USP34: variants seen among roughly 807,000 people sequenced by gnomAD.
USP34 encodes the protein ubiquitin specific peptidase 34.
Under a neutral mutation model 460.3 loss-of-function variants are expected in USP34, and 70 were observed. The observed-to-expected ratio is 0.15, with a 90% confidence interval of 0.13 to 0.19. The LOEUF is 0.19. Among genes scored for constraint, USP34 ranks in the 10% least tolerant of loss-of-function variants. The pLI is 1.00. For synonymous variants in USP34, 1,647 were observed against 1,405.3 expected, an observed-to-expected ratio of 1.17 and a Z score of -3.85; for missense variants, 3,985 against 4,236.2, an observed-to-expected ratio of 0.94 and a Z score of 1.65.
chr2:61,401,222 G>A (rs1034529446), intron 3 of USP34, among the ~76,000 whole-genome samples: 9 of 150,282 alleles, frequency 6.0e-5, no homozygotes, highest in Non-Finnish European at 1.0e-4. Context: ...TATACCATAC[G>A]TATATTTAAC....
intron 1 of USP34, among the ~76,000 whole-genome samples, chr2:61,431,748 G>A (rs569636609): frequency 6.6e-6 from 1 of 152,072 alleles, no homozygotes; most frequent in African/African-American, 2.4e-5. Flanking sequence ...CCAGCTACTT[G>A]AGACCCGCGG....
At position 61,317,949 on chromosome 2, in the gene USP34, T is replaced by C. The variant is rs549819432; in HGVS notation, c.3169-182A>G. ...TGCTGGGCACGGTGGCTCAGTACTTTGGAAAGCCAAGGCAGGCAGATCGCT... is the reference window on the plus strand; with the variant it reads ...TGCTGGGCACGGTGGCTCAGTACTTCGGAAAGCCAAGGCAGGCAGATCGCT... On this transcript the variant is annotated intron_variant, in intron 22 of 79. Transcript: ENST00000398571. 3.9e-5 allele frequency among the ~76,000 whole-genome samples: 6 copies of C among 152,220 alleles called. No individual in the cohort carries two copies. In the South Asian group the frequency reaches 1.2e-3, roughly 32 times the overall value.
chr2:61,462,240 A>AG (rs77766479), intron 1 of USP34, among the ~76,000 whole-genome samples: 3 of 141,746 alleles, frequency 2.1e-5, no homozygotes, highest in Admixed American at 1.4e-4. Context: ...ACTCCATCTC[A>AG]GGGGGAAAAA....
chr2:61,401,210 A>T (rs1693708643), intron 3 of USP34, among the ~76,000 whole-genome samples: 3 of 151,062 alleles, frequency 2.0e-5, no homozygotes, highest in African/African-American at 7.3e-5. Context: ...CATCTGTCTG[A>T]TTATACCATA....
At chr2:61,455,906 C>G in intron 1 of USP34, among the ~76,000 whole-genome samples, 1 of 152,054 alleles carries the variant, frequency 6.6e-6, no homozygotes, top group East Asian at 1.9e-4. Context: ...GGAACTTAGC[C>G]AAAGTCAGAG....
At chr2:61,366,889 A>T (rs553501071) in intron 10 of USP34, among the ~76,000 whole-genome samples, 1 of 152,216 alleles carries the variant, frequency 6.6e-6, no homozygotes, top group African/African-American at 2.4e-5. Flanking sequence ...CTCTGCAAAA[A>T]AACACAAAAA....
intron 25 of USP34, among the ~76,000 whole-genome samples, chr2:61,313,984 T>C (rs1352772360): frequency 1.3e-5 from 2 of 152,084 alleles, no homozygotes; most frequent in African/African-American, 4.8e-5. Context: ...TAGAATTTCT[T>C]AAAACTATCT....
chr2:61,261,769 C>T (rs556550429), intron 43 of USP34, among the ~76,000 whole-genome samples: 8 of 151,928 alleles, frequency 5.3e-5, no homozygotes, highest in Non-Finnish European at 8.8e-5. Context: ...GAATAAAGTG[C>T]CCACTTGACT....
At chr2:61,345,118 C>A (rs1207927252) in intron 15 of USP34, among the ~76,000 whole-genome samples, 2 of 151,874 alleles carry the variant, frequency 1.3e-5, no homozygotes, top group Admixed American at 6.6e-5. Context: ...ACTAAAAATA[C>A]AAAAATTAGC....
In USP34 at chr2:61,391,173, C is replaced by T. The variant is rs548332442; in HGVS notation, c.753+3680G>A. On this transcript the variant is annotated intron_variant, in intron 5 of 79. Transcript: ENST00000398571. Reference sequence around the variant, plus strand: ...TAAGAGTGAGGAAATCAGCCAGGTGCAATGGCACACACCTGTAATCCCAGC... The same window carrying T: ...TAAGAGTGAGGAAATCAGCCAGGTGTAATGGCACACACCTGTAATCCCAGC... Among the ~76,000 whole-genome samples, 3 of 152,042 alleles carry T rather than the reference C, an allele frequency of 2.0e-5. No individual in the cohort carries two copies. The South Asian group carries it at 6.2e-4, about 32-fold the overall frequency.
chr2:61,272,102 T>A (rs1572890146), intron 41 of USP34, among the ~76,000 whole-genome samples: 1 of 152,168 alleles, frequency 6.6e-6, no homozygotes, highest in Non-Finnish European at 1.5e-5. Context: ...CCTCAGCTTC[T>A]CAGGCTTAAA....
At chr2:61,316,400 C>T (rs1227123940) in intron 23 of USP34, among the ~76,000 whole-genome samples, 5 of 151,668 alleles carry the variant, frequency 3.3e-5, no homozygotes, top group Non-Finnish European at 7.4e-5. Flanking sequence ...GTCTGGTCAA[C>T]GTGGTGAAAA....
intron 48 of USP34, chr2:61,250,089 A>C (rs1221135095): frequency 6.4e-6 from 1 of 155,746 alleles, no homozygotes; most frequent in African/African-American, 2.4e-5. Flanking sequence ...CTCCACTAAA[A>C]ATATAAAAAT....
chr2:61,333,882 A>G lies in USP34; in HGVS notation c.2834T>C (p.Met945Thr). 6.6e-7 allele frequency: 1 copy of G among 1,509,118 alleles called. No individual in the cohort carries two copies. Among genetic ancestry groups the G allele is most frequent in the Non-Finnish European group, 8.9e-7 (1 of 1,127,988 alleles). 93.5% of individuals were successfully genotyped at this position (1,509,118 alleles called of 1,614,324 possible). ...ATACTTTTTTCTTTTATTTACTTAC[A>G]TTGTTATCCAGTGTGTATCGTAACT... ...GSSYDTHWITMWAEKELNMMK... is the reference protein window; with the variant it reads ...GSSYDTHWITTWAEKELNMMK... The change falls in exon 19 of 80, where the codon ATG becomes ACG. Residue 945 changes from methionine (M) to threonine (T), a missense_variant and splice_region_variant. Physicochemically the swap from Met to Thr is moderately conservative, Grantham distance 81. Transcript: ENST00000398571.
intron 16 of USP34, among the ~76,000 whole-genome samples, chr2:61,340,956 T>C (rs1691579992): frequency 1.3e-5 from 2 of 151,936 alleles, no homozygotes; most frequent in Non-Finnish European, 2.9e-5. Context: ...AGAACGTTTC[T>C]ATCACCCTAG....
intron 41 of USP34, among the ~76,000 whole-genome samples, chr2:61,274,250 C>T (rs550698526): frequency 1.3e-5 from 2 of 151,584 alleles, no homozygotes; most frequent in Non-Finnish European, 2.9e-5. Context: ...TTTAGCCAGG[C>T]ATGGTGGTGC....
intron 1 of USP34, among the ~76,000 whole-genome samples, chr2:61,459,169 G>C (rs963250199): frequency 6.6e-6 from 1 of 152,108 alleles, no homozygotes; most frequent in Non-Finnish European, 1.5e-5. Flanking sequence ...TCCACAGTCA[G>C]GGTCCTCTTA....
chr2:61,310,372 TC>T (rs1166769407), intron 27 of USP34, among the ~76,000 whole-genome samples: 1 of 152,038 alleles, frequency 6.6e-6, no homozygotes, highest in African/African-American at 2.4e-5. Context: ...GAAAAATGAA[TC>T]AAGTTATTAC....
chr2:61,227,142 T>A lies in USP34; in HGVS notation c.7520A>T (p.Glu2507Val). The A allele has an allele frequency of 1.2e-6, 2 of 1,614,106 alleles. No individual in the cohort carries two copies. Among genetic ancestry groups the A allele is most frequent in the Non-Finnish European group, 8.5e-7 (1 of 1,180,002 alleles). The change falls in exon 62 of 80, where the codon GAA becomes GTA. Residue 2507 changes from glutamate (E) to valine (V), a missense_variant. Physicochemically the swap from Glu to Val is moderately radical, Grantham distance 121. Coordinates refer to ENST00000398571, the MANE Select transcript of USP34 (RefSeq NM_014709.4). ...EEEDILSLAE[E>V]KYRPAALEKM... is the part of the protein sequence containing the mutation. ...TTCAAGGGCAGCTGGCCTGTATTTT[T>A]CTTCTGCCAGAGAGAGGATATCTTC...
Sources: gnomAD v4.1 joint callset for allele counts (sites outside exome capture counted in the v4.1 genomes callset) on GRCh38, gnomAD v4.1.1 for gene constraint, MANE v1.5 for transcripts, NCBI Gene and HGNC (gene_info 2026-07-23, HGNC 2026-07-21) for gene names.